The following MECOM variants were observed in gnomAD, a reference collection of about 807,000 sequenced individuals.
MECOM encodes the protein histone-lysine N-methyltransferase MECOM.
Under a neutral mutation model 116.3 loss-of-function variants are expected in MECOM, and 13 were observed. That is an observed-to-expected ratio of 0.11 (90% CI 0.07 to 0.18). MECOM has a LOEUF of 0.18. MECOM is among the 10% of genes least tolerant of loss of function. The pLI is 1.00. For missense variants in MECOM, 1,299 were observed against 1,509.0 expected (o/e 0.86, Z 2.31); for synonymous variants, 528 against 535.2 (o/e 0.99, Z 0.19).
chr3:169,084,992 A>T lies in MECOM; in HGVS notation c.3637T>A (p.Ser1213Thr). 1.2e-6 allele frequency: 2 copies of T among 1,614,132 alleles called. No individual in the cohort carries two copies. The highest frequency in any genetic ancestry group is 1.7e-6 in the Non-Finnish European group (2 of 1,180,008). ...LSDKESLHST[S>T]HSSSNVWHSM... ...TGCCACACGTTGGAAGAACTGTGGGATGTAGAATGGAGGGACTCCTTGTCA... is the reference window on the plus strand; with the variant it reads ...TGCCACACGTTGGAAGAACTGTGGGTTGTAGAATGGAGGGACTCCTTGTCA... The change falls in exon 17 of 17, where the codon TCC becomes ACC. Residue 1213 changes from serine (S) to threonine (T), a missense_variant. By Grantham distance (58) the Ser-to-Thr change is moderately conservative. Around this residue, in one of 6 missense-constraint regions of MECOM, gnomAD observed 273 missense variants for 289.3 expected, o/e 0.94. Coordinates refer to ENST00000651503, the MANE Select transcript of MECOM (RefSeq NM_004991.4).
intron 2 of MECOM, among the ~76,000 whole-genome samples, chr3:169,284,864 G>C (rs1345859231): frequency 6.6e-6 from 1 of 152,052 alleles, no homozygotes; most frequent in African/African-American, 2.4e-5. Flanking sequence ...AGTTTTACAT[G>C]TATATAAGAC....
intron 1 of MECOM, chr3:169,613,797 T>A (rs1476738217): frequency 6.6e-6 from 1 of 152,238 alleles, no homozygotes; most frequent in Admixed American, 6.5e-5. Flanking sequence ...ATTTACTGGG[T>A]ACCTGTTCTG....
intron 3 of MECOM, among the ~76,000 whole-genome samples, chr3:169,136,398 A>G (rs914836378): frequency 9.3e-5 from 14 of 151,274 alleles, no homozygotes; most frequent in African/African-American, 2.4e-4. Flanking sequence ...ATTATATATC[A>G]TACAAGTTAT....
At chr3:169,427,894 T>C (rs1250988525) in intron 1 of MECOM, among the ~76,000 whole-genome samples, 1 of 152,196 alleles carries the variant, frequency 6.6e-6, no homozygotes, top group Non-Finnish European at 1.5e-5. Context: ...TACCTCAGAA[T>C]GTGGTCATAA....
chr3:169,118,030 T>C (rs1174666140), intron 7 of MECOM, among the ~76,000 whole-genome samples: 1 of 152,098 alleles, frequency 6.6e-6, no homozygotes, highest in African/African-American at 2.4e-5. Context: ...AATGCAACAG[T>C]TATTGCTTTC....
intron 1 of MECOM, among the ~76,000 whole-genome samples, chr3:169,657,455 G>T (rs1775674942): frequency 6.6e-6 from 1 of 152,196 alleles, no homozygotes; most frequent in Non-Finnish European, 1.5e-5. Context: ...TTTTATGAAA[G>T]AGGTGAAATA....
intron 2 of MECOM, among the ~76,000 whole-genome samples, chr3:169,162,951 A>G (rs1054851223): frequency 6.6e-6 from 1 of 152,178 alleles, no homozygotes; most frequent in Non-Finnish European, 1.5e-5. Flanking sequence ...GAAATATTTT[A>G]TTTCAGATAA....
At chr3:169,197,840 T>C (rs1559981642) in intron 2 of MECOM, among the ~76,000 whole-genome samples, 1 of 152,032 alleles carries the variant, frequency 6.6e-6, no homozygotes, top group African/African-American at 2.4e-5. Context: ...CTTTGCCTTC[T>C]CCCCTCAGAA....
chr3:169,276,621 C>T (rs1486912791), intron 2 of MECOM, among the ~76,000 whole-genome samples: 1 of 150,928 alleles, frequency 6.6e-6, no homozygotes, highest in Non-Finnish European at 1.5e-5. Flanking sequence ...AACCACAACT[C>T]AATCTATGTC....
intron 1 of MECOM, among the ~76,000 whole-genome samples, chr3:169,509,335 G>A (rs973604465): frequency 6.6e-6 from 1 of 152,132 alleles, no homozygotes; most frequent in Non-Finnish European, 1.5e-5. Context: ...TTTTTTGATC[G>A]TGGTAAAACA....
intron 1 of MECOM, among the ~76,000 whole-genome samples, chr3:169,494,886 A>G (rs1407315604): frequency 6.6e-6 from 1 of 152,258 alleles, no homozygotes; most frequent in African/African-American, 2.4e-5. Context: ...TTAAAAATCA[A>G]TAATGATGAT....
chr3:169,249,298 C>T (rs1755965400), intron 2 of MECOM, among the ~76,000 whole-genome samples: 1 of 152,076 alleles, frequency 6.6e-6, no homozygotes, highest in Non-Finnish European at 1.5e-5. Flanking sequence ...CCAAATCATC[C>T]CTAGACTTGA....
intron 1 of MECOM, among the ~76,000 whole-genome samples, chr3:169,655,599 C>T (rs1482285788): frequency 6.6e-6 from 1 of 152,180 alleles, no homozygotes; most frequent in Non-Finnish European, 1.5e-5. Context: ...GGAAGATGCT[C>T]AAGTTTTCAG....
At chr3:169,495,125 CT>C (rs1415071838) in intron 1 of MECOM, among the ~76,000 whole-genome samples, 1 of 152,152 alleles carries the variant, frequency 6.6e-6, no homozygotes, top group Non-Finnish European at 1.5e-5. Flanking sequence ...TTCCATTCAT[CT>C]TTTTTCATCA....
intron 3 of MECOM, 51 bp downstream of exon 3, chr3:169,143,647 A>C: frequency 6.8e-7 from 1 of 1,474,834 alleles, no homozygotes; most frequent in East Asian, 2.5e-5. Flanking sequence ...TTCAGGCTCC[A>C]GTGATACTTT....
intron 1 of MECOM, among the ~76,000 whole-genome samples, chr3:169,420,977 AATATT>A (rs1299086719): frequency 6.6e-6 from 1 of 152,102 alleles, no homozygotes; most frequent in Non-Finnish European, 1.5e-5. Context: ...CATTCCATAG[AATATT>A]ATATTATAGT....
chr3:169,645,104 AG>A (rs1388101317), intron 1 of MECOM, among the ~76,000 whole-genome samples: 1 of 152,194 alleles, frequency 6.6e-6, no homozygotes, highest in African/African-American at 2.4e-5. Flanking sequence ...GAACATACCT[AG>A]GCTGTCCAAC....
chr3:169,145,769 T>A (rs1739711085), intron 2 of MECOM: 1 of 216,882 alleles, frequency 4.6e-6, no homozygotes, highest in South Asian at 1.8e-4. Flanking sequence ...ACATAAAAAT[T>A]GTAGGTGTAA....
intron 1 of MECOM, among the ~76,000 whole-genome samples, chr3:169,493,104 T>C (rs1008988898): frequency 1.3e-5 from 2 of 152,226 alleles, no homozygotes; most frequent in Admixed American, 1.3e-4. Context: ...ATATGTCTTT[T>C]AGTCACTGTA....
Sources: gnomAD v4.1 joint callset for allele counts (sites outside exome capture counted in the v4.1 genomes callset) on GRCh38, gnomAD v4.1.1 for gene constraint, gnomAD v4.1.1 regional missense constraint, MANE v1.5 for transcripts, NCBI Gene and HGNC (gene_info 2026-07-23, HGNC 2026-07-21) for gene names.